Variants in MAPK4 observed in about 807,000 individuals in gnomAD.
MAPK4 encodes Erk3-related.
MAPK4 carries 22 observed loss-of-function variants against 47.7 expected under a neutral mutation model. That is an observed-to-expected ratio of 0.46 (90% CI 0.33 to 0.66). MAPK4 has a LOEUF of 0.66. Among genes scored for constraint, MAPK4 ranks in the 30% least tolerant of loss-of-function variants. The pLI, the probability that MAPK4 is intolerant of heterozygous loss-of-function variation, is 0.02. For synonymous variants in MAPK4, 390 were observed against 365.7 expected (o/e 1.07, Z -0.76); for missense variants, 736 against 831.7 (o/e 0.88, Z 1.42).
intron 1 of MAPK4, among the ~76,000 whole-genome samples, chr18:50,560,471 T>A (rs2042142990): frequency 6.6e-6 from 1 of 151,762 alleles, no homozygotes; most frequent in Non-Finnish European, 1.5e-5. Context: ...GCTCCTCGCC[T>A]GCAGACCGCG....
chr18:50,598,803 G>A (rs1306645839), intron 1 of MAPK4, among the ~76,000 whole-genome samples: 2 of 152,130 alleles, frequency 1.3e-5, no homozygotes, highest in African/African-American at 4.8e-5. Flanking sequence ...GTCTTGAGGA[G>A]TACTAGTCAG....
intron 1 of MAPK4, among the ~76,000 whole-genome samples, chr18:50,584,047 C>T (rs1259295432): frequency 1.3e-5 from 2 of 152,176 alleles, no homozygotes; most frequent in Non-Finnish European, 2.9e-5. Flanking sequence ...ATCATAATTG[C>T]TATGCTTTCA....
chr18:50,636,343 G>A (rs1193979768), intron 1 of MAPK4, among the ~76,000 whole-genome samples: 2 of 152,334 alleles, frequency 1.3e-5, no homozygotes, highest in Non-Finnish European at 2.9e-5. Context: ...AGCCCCAAGA[G>A]GGCAGGGGCT....
intron 2 of MAPK4, chr18:50,705,468 A>G (rs1380009898): frequency 6.6e-6 from 1 of 152,220 alleles, no homozygotes; most frequent in East Asian, 1.9e-4. Context: ...CCCAAATGTA[A>G]AATGAAAAAT....
intron 1 of MAPK4, among the ~76,000 whole-genome samples, chr18:50,613,999 A>T (rs1220740266): frequency 2.6e-5 from 4 of 152,226 alleles, no homozygotes; most frequent in Non-Finnish European, 5.9e-5. Context: ...ATTCAACTAT[A>T]TTGACAATAT....
At position 50,641,067 on chromosome 18, in the gene MAPK4, AAG is replaced by A. The variant is rs1454390359; in HGVS notation, c.-870-22021_-870-22020del. ...CGCATCAGCTGTCACCTGGAAAAAA[AAG>A]GGGAGAGTTGAGTGAGAAGTCCTGT... On this transcript the variant is annotated intron_variant, in intron 1 of 5. Coordinates refer to ENST00000400384, the MANE Select transcript of MAPK4 (RefSeq NM_002747.4). 2.0e-5 allele frequency among the ~76,000 whole-genome samples: 3 copies of A among 152,326 alleles called. No individual in the cohort carries two copies. The East Asian group carries it at 5.8e-4, about 29-fold the overall frequency.
intron 1 of MAPK4, among the ~76,000 whole-genome samples, chr18:50,644,007 C>T (rs905166546): frequency 2.0e-5 from 3 of 151,938 alleles, no homozygotes; most frequent in Non-Finnish European, 4.4e-5. Flanking sequence ...AATGCCCTCT[C>T]GGTGGAAAGG....
chr18:50,674,556 A>T (rs190319749), intron 2 of MAPK4, among the ~76,000 whole-genome samples: 148 of 152,230 alleles, frequency 9.7e-4, no homozygotes, highest in Admixed American at 4.8e-3. Flanking sequence ...CATTCCCTGG[A>T]AAATACCATA....
intron 1 of MAPK4, among the ~76,000 whole-genome samples, chr18:50,628,737 A>T (rs1406328257): frequency 6.6e-6 from 1 of 150,432 alleles, no homozygotes; most frequent in Non-Finnish European, 1.5e-5. Context: ...TCCCACCCAC[A>T]TTCCTCCTGT....
chr18:50,566,228 T>C (rs906145912), intron 1 of MAPK4, among the ~76,000 whole-genome samples: 1 of 152,200 alleles, frequency 6.6e-6, no homozygotes, highest in Non-Finnish European at 1.5e-5. Context: ...TAGTCTTTCA[T>C]TTGTATTTAA....
intron 1 of MAPK4, among the ~76,000 whole-genome samples, chr18:50,613,384 G>T (rs2042657077): frequency 6.6e-6 from 1 of 152,132 alleles, no homozygotes; most frequent in South Asian, 2.1e-4. Flanking sequence ...TAAGAAGCTG[G>T]GTCCCTAAAT....
intron 1 of MAPK4, among the ~76,000 whole-genome samples, chr18:50,642,356 C>T (rs184253017): frequency 5.9e-5 from 9 of 152,276 alleles, no homozygotes; most frequent in African/African-American, 1.7e-4. Context: ...AAATGGGTTT[C>T]GGGTGATGGT....
chr18:50,644,634 C>A (rs1346141465), intron 1 of MAPK4, among the ~76,000 whole-genome samples: 1 of 152,090 alleles, frequency 6.6e-6, no homozygotes, highest in Non-Finnish European at 1.5e-5. Context: ...CAAAGTGATG[C>A]CTAACATTTA....
At chr18:50,632,368 G>A (rs1418198179) in intron 1 of MAPK4, among the ~76,000 whole-genome samples, 1 of 152,144 alleles carries the variant, frequency 6.6e-6, no homozygotes, top group Non-Finnish European at 1.5e-5. Flanking sequence ...GATTTGCAAA[G>A]TTCTTTTGTG....
chr18:50,695,698 G>C (rs1909480214), intron 2 of MAPK4, among the ~76,000 whole-genome samples: 1 of 152,198 alleles, frequency 6.6e-6, no homozygotes, highest in African/African-American at 2.4e-5. Context: ...AGGCTGCATA[G>C]GATGAGGACG....
At chr18:50,670,806 C>T (rs1042747355) in intron 2 of MAPK4, among the ~76,000 whole-genome samples, 3 of 151,340 alleles carry the variant, frequency 2.0e-5, no homozygotes, top group African/African-American at 7.3e-5. Flanking sequence ...CAAAGTGAGG[C>T]CCCACACCAG....
intron 1 of MAPK4, among the ~76,000 whole-genome samples, chr18:50,566,355 CT>C (rs2042198136): frequency 6.6e-6 from 1 of 152,194 alleles, no homozygotes; most frequent in African/African-American, 2.4e-5. Flanking sequence ...TCTGGCCAGC[CT>C]TGCTTGCCCA....
At chr18:50,683,612 T>G (rs1908709248) in intron 2 of MAPK4, among the ~76,000 whole-genome samples, 1 of 152,090 alleles carries the variant, frequency 6.6e-6, no homozygotes. Context: ...CCAACTATGG[T>G]CTAGGTGTTG....
chr18:50,688,581 A>G (rs1418457325), intron 2 of MAPK4, among the ~76,000 whole-genome samples: 1 of 152,264 alleles, frequency 6.6e-6, no homozygotes, highest in Non-Finnish European at 1.5e-5. Context: ...AAGACAGTGC[A>G]TATCACAACC....
Sources: allele counts gnomAD v4.1 joint callset (sites outside exome capture counted in the v4.1 genomes callset), GRCh38; gene constraint gnomAD v4.1.1; transcripts MANE v1.5; gene names NCBI Gene and HGNC (gene_info 2026-07-23, HGNC 2026-07-21).